The following OSCP1 variants were observed in gnomAD, a reference collection of about 807,000 sequenced individuals.
OSCP1 encodes organic solute carrier partner 1.
A neutral mutation model predicts 45.1 loss-of-function variants in OSCP1; 35 were observed. The observed-to-expected ratio is 0.78, with a 90% confidence interval of 0.59 to 1.03. OSCP1 has a LOEUF of 1.03. Ranked by LOEUF, OSCP1 falls within the 50% of genes least tolerant of loss-of-function variation. The pLI is 0.00. For missense variants in OSCP1, 400 were observed against 470.7 expected (o/e 0.85, Z 1.39); for synonymous variants, 179 against 180.1 (o/e 0.99, Z 0.05).
intron 2 of OSCP1, among the ~76,000 whole-genome samples, chr1:36,437,889 T>C (rs1316786827): frequency 6.6e-6 from 1 of 152,138 alleles, no homozygotes; most frequent in Non-Finnish European, 1.5e-5. Flanking sequence ...AAGCCAGCAC[T>C]CTTGTCTGGG....
intron 1 of OSCP1, among the ~76,000 whole-genome samples, chr1:36,441,750 CAAAAAA>C (rs575967932): frequency 2.4e-4 from 14 of 58,280 alleles, no homozygotes; most frequent in African/African-American, 7.5e-4. Flanking sequence ...GACTCCAGCT[CAAAAAA>C]AAAAAAAAAA....
chr1:36,428,481 T>C, intron 4 of OSCP1: 1 of 1,611,032 alleles, frequency 6.2e-7, no homozygotes, highest in African/African-American at 1.3e-5. Context: ...TCTCTCTGTA[T>C]ATGCACAAAC....
rs76524985 is a variant in OSCP1 at position 36,438,267 on chromosome 1, A to G, written c.267+489T>C. 2.1e-4 allele frequency among the ~76,000 whole-genome samples: 31 copies of G among 148,130 alleles called. No homozygotes were observed. In the East Asian group the frequency reaches 5.8e-3, roughly 28 times the overall value. On this transcript the variant is annotated intron_variant, in intron 2 of 9. Coordinates refer to ENST00000235532, the MANE Select transcript of OSCP1 (RefSeq NM_145047.5). ...GGGAGGCGGACGTTGTGGTGAGCCG[A>G]GATCACGCCATTGCACTCCAGCCTG...
At chr1:36,434,373 C>T (rs1020813091) in intron 2 of OSCP1, among the ~76,000 whole-genome samples, 3 of 152,214 alleles carry the variant, frequency 2.0e-5, no homozygotes, top group Admixed American at 6.5e-5. Flanking sequence ...CTATCAGATT[C>T]TAAGGCACTT....
intron 1 of OSCP1, chr1:36,443,966 G>A (rs3795495): frequency 0.1 from 163,206 of 1,599,814 alleles, 9,267 homozygotes; most frequent in East Asian, 0.26. Context: ...TGAACCTGTG[G>A]ATGCACACTG....
Position 36,438,822 on chromosome 1 carries a change from C to T in OSCP1, c.201G>A (p.Leu67=), listed in dbSNP as rs765109333. ...GAGCCAGGCGCTCATAGACAGTCCTCAGGGCCTTCTTGGAGTAGAGCTCTT... is the reference window on the plus strand; with the variant it reads ...GAGCCAGGCGCTCATAGACAGTCCTTAGGGCCTTCTTGGAGTAGAGCTCTT... ...KPQELYSKKA[L]RTVYERLAHA... The change falls in exon 2 of 10, where the codon CTG becomes CTA. Residue 67 remains leucine, a synonymous_variant. Transcript: ENST00000235532. The T allele has an allele frequency of 6.8e-6, 11 of 1,614,092 alleles. No individual in the cohort carries two copies. In the Admixed American group the frequency reaches 8.3e-5, roughly 12 times the overall value.
In OSCP1 at chr1:36,436,097, TCTCTCTA is replaced by T. The variant is rs1388151008; in HGVS notation, c.267+2652_267+2658del. 7.9e-4 allele frequency among the ~76,000 whole-genome samples: 96 copies of T among 121,488 alleles called. 1 individual carries two copies. The highest frequency in any genetic ancestry group is 2.3e-3 in the Admixed American group (27 of 11,642). 79.7% of individuals were successfully genotyped at this position (121,488 alleles called of 152,430 possible). A position where few individuals can be genotyped will look rare whatever the true frequency, so the allele number is the denominator to read the frequency against. On this transcript the variant is annotated intron_variant, in intron 2 of 9. Transcript: ENST00000235532. ...GATTTTTAAAATTTTTCTTTCTCTCTCTCTCTATTTTTTTTTTTTTTTTTGAGATGGA... is the reference window on the plus strand; with the variant it reads ...GATTTTTAAAATTTTTCTTTCTCTCTTTTTTTTTTTTTTTTTTGAGATGGA...
chr1:36,431,731 C>T, intron 4 of OSCP1, 71 bp downstream of exon 4: 1 of 1,480,522 alleles, frequency 6.8e-7, no homozygotes, highest in East Asian at 2.3e-5. Flanking sequence ...CTTGTTTGCC[C>T]TCATGACTAC....
intron 4 of OSCP1, among the ~76,000 whole-genome samples, chr1:36,431,387 AG>A (rs1648355399): frequency 6.6e-6 from 1 of 152,120 alleles, no homozygotes; most frequent in Admixed American, 6.6e-5. Flanking sequence ...AGGGAAGCCC[AG>A]GATGGTACAG....
Position 36,447,873 on chromosome 1 carries a change from ACACT to A in OSCP1, c.112+2381_112+2384del, listed in dbSNP as rs1301606073. 1 of 453,676 alleles carries A rather than the reference ACACT, an allele frequency of 2.2e-6. No homozygotes were observed. The highest frequency in any genetic ancestry group is 2.0e-5 in the African/African-American group (1 of 50,046). The allele number at this position is 453,676 out of a possible 1,614,324, so 28.1% of individuals were successfully genotyped here. A position where few individuals can be genotyped will look rare whatever the true frequency, so the allele number is the denominator to read the frequency against. Reference sequence around the variant, plus strand: ...CATATAGTATCTCACATAGTGTTTGACACTCAGTCAAAATCTGTGGAATGAATGA... The same window carrying A: ...CATATAGTATCTCACATAGTGTTTGACAGTCAAAATCTGTGGAATGAATGA... On this transcript the variant is annotated intron_variant, in intron 1 of 9. Transcript: ENST00000235532. The surrounding 1 kb of genome is among the most constrained non-coding windows in gnomAD (Gnocchi z 4.1).
chr1:36,449,361 T>A (rs977288480), intron 1 of OSCP1, among the ~76,000 whole-genome samples: 3 of 152,174 alleles, frequency 2.0e-5, no homozygotes, highest in African/African-American at 7.2e-5. Flanking sequence ...TTTTCGAAGC[T>A]CTCATATAAT....
rs1196131493 is a variant in OSCP1, at chr1:36,418,644, C to T, written c.1023+347G>A. 7 of 332,004 alleles carry T rather than the reference C, an allele frequency of 2.1e-5. No individual in the cohort carries two copies. In the East Asian group the frequency reaches 4.0e-4, roughly 19 times the overall value. 20.6% of individuals were successfully genotyped at this position (332,004 alleles called of 1,614,324 possible). A position where few individuals can be genotyped will look rare whatever the true frequency, so the allele number is the denominator to read the frequency against. The stretch of plus-strand genomic sequence containing the variant: ...GGAAAGGAGGAAGGGAGGCTGGGTA[C>T]GGTGGCTCACCTTTGTAATCCCAGC... On this transcript the variant is annotated intron_variant, in intron 9 of 9. Coordinates refer to ENST00000235532, the MANE Select transcript of OSCP1 (RefSeq NM_145047.5).
chr1:36,447,798 G>A lies in OSCP1; in HGVS notation c.112+2460C>T. 2.5e-6 allele frequency: 1 copy of A among 398,384 alleles called. No homozygotes were observed. The highest frequency in any genetic ancestry group is 2.9e-5 in the Admixed American group (1 of 34,878). 24.7% of individuals were successfully genotyped at this position (398,384 alleles called of 1,614,324 possible). A position where few individuals can be genotyped will look rare whatever the true frequency, so the allele number is the denominator to read the frequency against. ...CTAGAATCAGTTACTGGAGTGGACT[G>A]ATCAATAGCCCTACCTCCAGTGAAT... On this transcript the variant is annotated intron_variant, in intron 1 of 9. Coordinates refer to ENST00000235532, the MANE Select transcript of OSCP1 (RefSeq NM_145047.5). This position sits in a 1 kb window ranked among gnomAD's most constrained non-coding sequence, Gnocchi z 4.1.
At chr1:36,424,730 C>T (rs191527977) in intron 4 of OSCP1, among the ~76,000 whole-genome samples, 6 of 152,310 alleles carry the variant, frequency 3.9e-5, no homozygotes, top group Non-Finnish European at 7.3e-5. Flanking sequence ...ATAGAGGTTT[C>T]GGTCACTCAC....
Position 36,423,434 on chromosome 1 carries a change from A to G in OSCP1, c.549T>C (p.Asn183=), listed in dbSNP as rs765455926. The G allele has an allele frequency of 1.9e-6, 3 of 1,612,930 alleles. No individual in the cohort carries two copies. Among genetic ancestry groups the G allele is most frequent in the Non-Finnish European group, 2.5e-6 (3 of 1,179,594 alleles). The change falls in exon 5 of 10, where the codon AAT becomes AAC. Residue 183 remains asparagine (N), a synonymous_variant. Transcript: ENST00000235532. ...VSMFLKDKVQ[N]NNGRFVLPVS... The stretch of plus-strand genomic sequence containing the variant: ...CCGGCAACACAAAGCGACCGTTATT[A>G]TTCTGAACTTTGTCCTTTAGAAACA...
chr1:36,428,182 T>C, intron 4 of OSCP1: 1 of 1,133,302 alleles, frequency 8.8e-7, no homozygotes, highest in Non-Finnish European at 1.1e-6. Flanking sequence ...AGAGCCAGAC[T>C]GCATCTCAAA....
intron 7 of OSCP1, 123 bp downstream of exon 7, chr1:36,422,027 G>C (rs1427483596): frequency 2.2e-6 from 2 of 913,110 alleles, no homozygotes; most frequent in Non-Finnish European, 3.6e-6. Context: ...GAATGGAGAA[G>C]ATTGCACACA....
intron 2 of OSCP1, among the ~76,000 whole-genome samples, chr1:36,437,390 A>G (rs977705777): frequency 6.6e-6 from 1 of 152,152 alleles, no homozygotes; most frequent in African/African-American, 2.4e-5. Context: ...TGTTCACATT[A>G]TGAGTAAAGA....
In OSCP1 at chr1:36,418,087, G is replaced by C; in HGVS notation, c.*52C>G. 1 of 1,492,418 alleles carries C rather than the reference G, an allele frequency of 6.7e-7. No individual in the cohort carries two copies. The allele number at this position is 1,492,418 out of a possible 1,614,324, so 92.4% of individuals were successfully genotyped here. A position where few individuals can be genotyped will look rare whatever the true frequency, so the allele number is the denominator to read the frequency against. On this transcript the variant is annotated 3_prime_UTR_variant, in exon 10 of 10. Coordinates refer to ENST00000235532, the MANE Select transcript of OSCP1 (RefSeq NM_145047.5). Reference sequence around the variant, plus strand: ...CTGGGCCATGGGGCATTCCCCAGGGGTCACCATCCAGCAGCCTCTCCCTGG... The same window carrying C: ...CTGGGCCATGGGGCATTCCCCAGGGCTCACCATCCAGCAGCCTCTCCCTGG...
Sources: allele counts gnomAD v4.1 joint callset (sites outside exome capture counted in the v4.1 genomes callset), GRCh38; gene constraint gnomAD v4.1.1; non-coding constraint Gnocchi (gnomAD v3.1); transcripts MANE v1.5; gene names NCBI Gene and HGNC (gene_info 2026-07-23, HGNC 2026-07-21).